CACNA1E: variants seen among roughly 807,000 people sequenced by gnomAD.
CACNA1E encodes calcium voltage-gated channel subunit alpha1 E, also known as voltage-dependent R-type calcium channel subunit alpha-1E.
Under a neutral mutation model 259.2 loss-of-function variants are expected in CACNA1E, and 40 were observed. The ratio of observed to expected loss-of-function variants is 0.15; its 90% CI spans 0.12 to 0.20. CACNA1E has a LOEUF of 0.20. CACNA1E is among the 10% of genes least tolerant of loss of function. The probability of loss-of-function intolerance (pLI) is 1.00; values close to 1 mark genes in which losing one functional copy is unlikely to be tolerated. For missense variants in CACNA1E, 1,874 were observed against 3,040.1 expected (o/e 0.62, Z 9.02); for synonymous variants, 1,104 against 1,138.5 (o/e 0.97, Z 0.61).
intron 7 of CACNA1E, among the ~76,000 whole-genome samples, chr1:181,701,534 A>G (rs1221799669): frequency 6.6e-6 from 1 of 152,232 alleles, no homozygotes; most frequent in Non-Finnish European, 1.5e-5. Context: ...TACACCTCTG[A>G]GTTCATGCCT....
Position 181,766,685 on chromosome 1 carries a change from T to C in CACNA1E, c.4881+74T>C, listed in dbSNP as rs1659049312. The C allele has an allele frequency of 4.5e-6, 5 of 1,101,720 alleles. No individual in the cohort carries two copies. The Admixed American group carries it at 7.6e-5, about 17-fold the overall frequency. The allele number at this position is 1,101,720 out of a possible 1,614,324, so 68.2% of individuals were successfully genotyped here. A position where few individuals can be genotyped will look rare whatever the true frequency, so the allele number is the denominator to read the frequency against. On this transcript the variant is annotated intron_variant, in intron 35 of 47. Transcript: ENST00000367573. Reference sequence around the variant, plus strand: ...AATCTCTGGCTTAGCAACCTAAGCATGCAAGACCTGAAGATGCTTTGAACC... The same window carrying C: ...AATCTCTGGCTTAGCAACCTAAGCACGCAAGACCTGAAGATGCTTTGAACC...
intron 1 of CACNA1E, among the ~76,000 whole-genome samples, chr1:181,498,948 G>A (rs595752): frequency 0.028 from 4,277 of 152,204 alleles, 124 homozygotes; most frequent in East Asian, 0.13. Flanking sequence ...AAGGACTTAC[G>A]TAAGAAAAAA....
In CACNA1E at chr1:181,798,842, T is replaced by G; in HGVS notation, c.*8T>G. ...GAAGATGACAAATGCTAGAGGCTGC[T>G]CCCCCCTCCGATGCATGCTCTTCTC... On this transcript the variant is annotated 3_prime_UTR_variant, in exon 48 of 48. Coordinates refer to ENST00000367573, the MANE Select transcript of CACNA1E (RefSeq NM_001205293.3). The surrounding 1 kb of genome is among the most constrained non-coding windows in gnomAD (Gnocchi z 4.2). 1 of 1,488,652 alleles carries G rather than the reference T, an allele frequency of 6.7e-7. No individual in the cohort carries two copies. The allele number at this position is 1,488,652 out of a possible 1,614,324, so 92.2% of individuals were successfully genotyped here.
chr1:181,400,072 GT>G (rs1656981144), intron 1 of CACNA1E, among the ~76,000 whole-genome samples: 3 of 152,158 alleles, frequency 2.0e-5, no homozygotes, highest in African/African-American at 7.2e-5. Flanking sequence ...CTGATCTACT[GT>G]AGTTCTATGC....
intron 3 of CACNA1E, among the ~76,000 whole-genome samples, chr1:181,556,720 G>A (rs1488200302): frequency 6.6e-6 from 1 of 152,212 alleles, no homozygotes; most frequent in Non-Finnish European, 1.5e-5. Context: ...AGTTGGGGCA[G>A]GAGGGCACTG....
Position 181,625,837 on chromosome 1 carries a change from C to T in CACNA1E, c.952-25501C>T, listed in dbSNP as rs115440954. ...TTAGTTTTTAGTCTATCTCAGCCTT[C>T]GCCATGCCTTCCTCACTAAGCTTAA... On this transcript the variant is annotated intron_variant, in intron 6 of 47. Transcript: ENST00000367573. Among the ~76,000 whole-genome samples the T allele has an allele frequency of 2.2e-3, 330 of 152,342 alleles. 2 individuals carry two copies. The highest frequency in any genetic ancestry group is 7.5e-3 in the African/African-American group (310 of 41,576).
At chr1:181,549,716 G>A (rs1647916230) in intron 3 of CACNA1E, among the ~76,000 whole-genome samples, 1 of 152,200 alleles carries the variant, frequency 6.6e-6, no homozygotes, top group Non-Finnish European at 1.5e-5. Flanking sequence ...GTTGTCAGCA[G>A]TGGGGTGGGG....
At chr1:181,608,402 C>G (rs78027394) in intron 6 of CACNA1E, among the ~76,000 whole-genome samples, 2,244 of 152,228 alleles carry the variant, frequency 0.015, 52 homozygotes, top group Non-Finnish European at 0.025. Context: ...CAGGAATGAC[C>G]AAACCATGAT....
chr1:181,542,054 G>A (rs1327695558), intron 3 of CACNA1E, among the ~76,000 whole-genome samples: 1 of 152,128 alleles, frequency 6.6e-6, no homozygotes, highest in Non-Finnish European at 1.5e-5. Context: ...GGACACTCAA[G>A]GAGCCCTATG....
chr1:181,765,290 C>G (rs1475815641), intron 34 of CACNA1E, among the ~76,000 whole-genome samples: 1 of 152,076 alleles, frequency 6.6e-6, no homozygotes, highest in Non-Finnish European at 1.5e-5. Context: ...GCTTTTCTCC[C>G]TACATTGGGA....
Position 181,580,793 on chromosome 1 carries a change from G to A in CACNA1E, c.951+17G>A. On this transcript the variant is annotated intron_variant, in intron 6 of 47. Coordinates refer to ENST00000367573, the MANE Select transcript of CACNA1E (RefSeq NM_001205293.3). ...CTGTACAATGTGAGTAGAGCTGGTGGGGACCTGGAAGGAGGAGGGAAGAAC... is the reference window on the plus strand; with the variant it reads ...CTGTACAATGTGAGTAGAGCTGGTGAGGACCTGGAAGGAGGAGGGAAGAAC... 1 of 1,612,876 alleles carries A rather than the reference G, an allele frequency of 6.2e-7. No individual in the cohort carries two copies. The highest frequency in any genetic ancestry group is 8.5e-7 in the Non-Finnish European group (1 of 1,178,928).
Position 181,711,079 on chromosome 1 carries a change from G to A in CACNA1E, c.1171+10G>A, listed in dbSNP as rs542559086. 1.3e-6 allele frequency: 2 copies of A among 1,583,690 alleles called. No individual in the cohort carries two copies. Among genetic ancestry groups the A allele is most frequent in the Non-Finnish European group, 1.7e-6 (2 of 1,152,482 alleles). ...TGGATAGACAAAGCAGGTAGGCCTGGGGGGCTGCAGGAGGCTGGTGAGTGG... is the reference window on the plus strand; with the variant it reads ...TGGATAGACAAAGCAGGTAGGCCTGAGGGGCTGCAGGAGGCTGGTGAGTGG... On this transcript the variant is annotated intron_variant, in intron 8 of 47. Transcript: ENST00000367573.
intron 1 of CACNA1E, among the ~76,000 whole-genome samples, chr1:181,496,062 T>C (rs1192201982): frequency 1.3e-5 from 2 of 152,250 alleles, no homozygotes; most frequent in African/African-American, 4.8e-5. Flanking sequence ...TCTTAATCAC[T>C]GAAGCTAAAT....
intron 1 of CACNA1E, among the ~76,000 whole-genome samples, chr1:181,339,419 A>T (rs12120852): frequency 0.4 from 59,973 of 151,680 alleles, 12,148 homozygotes; most frequent in Non-Finnish European, 0.44. Context: ...ATTGTTTTTG[A>T]TACTGTTGTT....
intron 1 of CACNA1E, among the ~76,000 whole-genome samples, chr1:181,401,511 TTGAA>T (rs1469826078): frequency 6.6e-6 from 1 of 152,182 alleles, no homozygotes; most frequent in East Asian, 1.9e-4. Flanking sequence ...AAGTAAATGG[TTGAA>T]TGAATGAGTG....
At chr1:181,646,815 G>A (rs565169913) in intron 6 of CACNA1E, among the ~76,000 whole-genome samples, 45 of 152,312 alleles carry the variant, frequency 3.0e-4, no homozygotes, top group African/African-American at 1.1e-3. Flanking sequence ...TAATTACCAT[G>A]TGTGCCTGTT....
At position 181,586,993 on chromosome 1, in the gene CACNA1E, G is replaced by GGT. The variant is rs144580381; in HGVS notation, c.951+6229_951+6230dup. 1.6e-3 allele frequency among the ~76,000 whole-genome samples: 239 copies of GGT among 152,028 alleles called. 1 individual carries two copies. Among genetic ancestry groups the GGT allele is most frequent in the African/African-American group, 5.5e-3 (227 of 41,478 alleles). ...ATTGGTGGAGTGATTTCCTTGAACA[G>GGT]GTGTGTGTGTGTGGTGTGGGGAGGT... On this transcript the variant is annotated intron_variant, in intron 6 of 47. Coordinates refer to ENST00000367573, the MANE Select transcript of CACNA1E (RefSeq NM_001205293.3).
Position 181,626,037 on chromosome 1 carries a change from G to A in CACNA1E, c.952-25301G>A, listed in dbSNP as rs536707314. On this transcript the variant is annotated intron_variant, in intron 6 of 47. Transcript: ENST00000367573. ...GGGGAATGAATGGCAGGTCAATGGT[G>A]CAGTCATAACACACAACATTTATCA... 3.9e-5 allele frequency among the ~76,000 whole-genome samples: 6 copies of A among 152,198 alleles called. No individual in the cohort carries two copies. The South Asian group carries it at 6.2e-4, about 16-fold the overall frequency.
chr1:181,458,860 TCCATCCATCCAC>T (rs994714223), intron 2 of CACNA1E, among the ~76,000 whole-genome samples: 8 of 146,070 alleles, frequency 5.5e-5, no homozygotes, highest in African/African-American at 2.2e-4. Flanking sequence ...CATCCATCCA[TCCATCCATCCAC>T]CCATCCATTT....
Sources: allele counts gnomAD v4.1 joint callset (sites outside exome capture counted in the v4.1 genomes callset), GRCh38; gene constraint gnomAD v4.1.1; non-coding constraint Gnocchi (gnomAD v3.1); transcripts MANE v1.5; gene names NCBI Gene and HGNC (gene_info 2026-07-23, HGNC 2026-07-21).